Variants in F2R observed in about 807,000 individuals in gnomAD.
F2R encodes proteinase-activated receptor 1.
F2R carries 12 observed loss-of-function variants against 18.3 expected under a neutral mutation model. The ratio of observed to expected loss-of-function variants is 0.66; its 90% CI spans 0.42 to 1.06. The LOEUF is 1.06. F2R is among the 50% of genes least tolerant of loss of function. F2R has a pLI of 0.00. For missense variants in F2R, 438 were observed against 530.8 expected (o/e 0.83, Z 1.72); for synonymous variants, 210 against 219.9 (o/e 0.95, Z 0.40).
chr5:76,732,421 T>C lies in F2R; in HGVS notation c.196T>C (p.Leu66=), dbSNP rs1429101162. The part of the protein sequence containing the change: ...WEDEEKNESG[L]TEYRLVSINK... ...GGATGAGGAGAAAAATGAAAGTGGG[T>C]TAACTGAATACAGATTAGTCTCCAT... is the stretch of plus-strand genomic sequence containing the variant. The change falls in exon 2 of 2, where the codon TTA becomes CTA. Residue 66 remains leucine (L), a synonymous_variant. Coordinates refer to ENST00000319211, the MANE Select transcript of F2R (RefSeq NM_001992.5). The C allele has an allele frequency of 6.2e-7, 1 of 1,614,126 alleles. No homozygotes were observed. The highest frequency in any genetic ancestry group is 2.2e-5 in the East Asian group (1 of 44,890).
rs374709959 is a variant in F2R at position 76,733,114 on chromosome 5, C to A, written c.889C>A (p.Leu297Ile). 2.5e-5 allele frequency: 40 copies of A among 1,614,088 alleles called. No homozygotes were observed. Among genetic ancestry groups the A allele is most frequent in the Non-Finnish European group, 3.3e-5 (39 of 1,180,056 alleles). ...TVCYVSIIRCLSSSAVANRSK... is the reference protein window; with the variant it reads ...TVCYVSIIRCISSSAVANRSK... ...CTGTTATGTGTCTATCATTCGATGT[C>A]TTAGCTCTTCCGCAGTTGCCAACCG... The change falls in exon 2 of 2, where the codon CTT becomes ATT. Residue 297 changes from leucine to isoleucine, a missense_variant. Physicochemically the swap from Leu to Ile is conservative, Grantham distance 5. Coordinates refer to ENST00000319211, the MANE Select transcript of F2R (RefSeq NM_001992.5).
intron 1 of F2R, among the ~76,000 whole-genome samples, chr5:76,716,980 T>C (rs555182887): frequency 6.6e-6 from 1 of 152,156 alleles, no homozygotes; most frequent in Non-Finnish European, 1.5e-5. Context: ...ATGGTGACAA[T>C]AGCAGAGGCT....
rs1748725046 is a variant in F2R, at chr5:76,733,572, C to A, written c.*69C>A. 1 of 1,261,002 alleles carries A rather than the reference C, an allele frequency of 7.9e-7. No homozygotes were observed. Among genetic ancestry groups the A allele is most frequent in the Non-Finnish European group, 1.1e-6 (1 of 922,018 alleles). 78.1% of individuals were successfully genotyped at this position (1,261,002 alleles called of 1,614,324 possible). A position where few individuals can be genotyped will look rare whatever the true frequency, so the allele number is the denominator to read the frequency against. ...TGAATAACCTGAGGATTCTATTAGT[C>A]CCCACCCAAACTTTATTGATTCACC... On this transcript the variant is annotated 3_prime_UTR_variant, in exon 2 of 2. Coordinates refer to ENST00000319211, the MANE Select transcript of F2R (RefSeq NM_001992.5).
chr5:76,720,463 T>C (rs1748426181), intron 1 of F2R, among the ~76,000 whole-genome samples: 1 of 152,108 alleles, frequency 6.6e-6, no homozygotes, highest in Admixed American at 6.5e-5. Context: ...ATGAAAATTT[T>C]AAATTTAAAT....
intron 1 of F2R, among the ~76,000 whole-genome samples, chr5:76,721,872 G>T (rs951521890): frequency 1.5e-4 from 23 of 152,158 alleles, no homozygotes; most frequent in Admixed American, 1.3e-4. Flanking sequence ...TATGCATTTT[G>T]ATATTTTCCA....
At position 76,732,575 on chromosome 5, in the gene F2R, T is replaced by G. The variant is rs1748687650; in HGVS notation, c.350T>G (p.Leu117Arg). The change falls in exon 2 of 2, where the codon CTC becomes CGC. Residue 117 changes from leucine to arginine, a missense_variant. Physicochemically the swap from Leu to Arg is moderately radical, Grantham distance 102. Coordinates refer to ENST00000319211, the MANE Select transcript of F2R (RefSeq NM_001992.5). Reference sequence around the variant, plus strand: ...TACACCGGAGTGTTTGTAGTCAGCCTCCCACTAAACATCATGGCCATCGTT... The same window carrying G: ...TACACCGGAGTGTTTGTAGTCAGCCGCCCACTAAACATCATGGCCATCGTT... ...SVYTGVFVVSLPLNIMAIVVF... is the reference protein window; with the variant it reads ...SVYTGVFVVSRPLNIMAIVVF... The G allele has an allele frequency of 6.2e-7, 1 of 1,614,084 alleles. No individual in the cohort carries two copies. The highest frequency in any genetic ancestry group is 1.3e-5 in the African/African-American group (1 of 74,942).
chr5:76,726,656 G>A (rs960691873), intron 1 of F2R, among the ~76,000 whole-genome samples: 2 of 152,004 alleles, frequency 1.3e-5, no homozygotes, highest in Non-Finnish European at 2.9e-5. Context: ...AGCCAAAATC[G>A]CACCACTGCT....
At chr5:76,720,805 AGTT>A (rs1211307667) in intron 1 of F2R, among the ~76,000 whole-genome samples, 2 of 152,072 alleles carry the variant, frequency 1.3e-5, no homozygotes, top group African/African-American at 2.4e-5. Context: ...GGTGGGTTAA[AGTT>A]GTTGTTGCTG....
At chr5:76,720,046 G>C (rs7731567) in intron 1 of F2R, among the ~76,000 whole-genome samples, 109 of 152,312 alleles carry the variant, frequency 7.2e-4, no homozygotes, top group African/African-American at 2.6e-3. Flanking sequence ...CTGAAAGTCA[G>C]ATTTCTTATG....
At chr5:76,731,409 G>A (rs1373342485) in intron 1 of F2R, among the ~76,000 whole-genome samples, 1 of 152,116 alleles carries the variant, frequency 6.6e-6, no homozygotes, top group African/African-American at 2.4e-5. Flanking sequence ...CGGAGGCGGA[G>A]GTTGCGGTGA....
At chr5:76,729,908 G>C (rs1748638273) in intron 1 of F2R, among the ~76,000 whole-genome samples, 1 of 152,078 alleles carries the variant, frequency 6.6e-6, no homozygotes, top group South Asian at 2.1e-4. Context: ...AAGATCAGAT[G>C]GTTTTAAAAA....
chr5:76,733,898 A>G lies in F2R; in HGVS notation c.*395A>G, dbSNP rs1033359585. 3 of 172,600 alleles carry G rather than the reference A, an allele frequency of 1.7e-5. No individual in the cohort carries two copies. Among genetic ancestry groups the G allele is most frequent in the African/African-American group, 7.2e-5 (3 of 41,700 alleles). The allele number at this position is 172,600 out of a possible 1,614,324, so 10.7% of individuals were successfully genotyped here. On this transcript the variant is annotated 3_prime_UTR_variant, in exon 2 of 2. Transcript: ENST00000319211. ...CCAGCAATTATGAAAATAATCTCTGATTCCCTGATTTAATATGCAAAGTCT... is the reference window on the plus strand; with the variant it reads ...CCAGCAATTATGAAAATAATCTCTGGTTCCCTGATTTAATATGCAAAGTCT...
At position 76,732,556 on chromosome 5, in the gene F2R, G is replaced by A. The variant is rs778747981; in HGVS notation, c.331G>A (p.Gly111Arg). ...ACTCTTTGTCCCATCTGTGTACACCGGAGTGTTTGTAGTCAGCCTCCCACT... is the reference window on the plus strand; with the variant it reads ...ACTCTTTGTCCCATCTGTGTACACCAGAGTGTTTGTAGTCAGCCTCCCACT... ...LTLFVPSVYTGVFVVSLPLNI... is the reference protein window; with the variant it reads ...LTLFVPSVYTRVFVVSLPLNI... Residue 111 changes from glycine (G) to arginine (R), a missense_variant, in exon 2 of 2, where the codon GGA becomes AGA. Coordinates refer to ENST00000319211, the MANE Select transcript of F2R (RefSeq NM_001992.5). 8 of 1,614,020 alleles carry A rather than the reference G, an allele frequency of 5.0e-6. No homozygotes were observed. The highest frequency in any genetic ancestry group is 1.3e-5 in the African/African-American group (1 of 74,900).
intron 1 of F2R, among the ~76,000 whole-genome samples, chr5:76,718,136 C>G (rs1748378274): frequency 6.6e-6 from 1 of 152,126 alleles, no homozygotes; most frequent in South Asian, 2.1e-4. Context: ...GTCAAAACAC[C>G]TTGTTAAGGT....
In F2R at chr5:76,728,862, T is replaced by C. The variant is rs183676393; in HGVS notation, c.89-3452T>C. On this transcript the variant is annotated intron_variant, in intron 1 of 1. Coordinates refer to ENST00000319211, the MANE Select transcript of F2R (RefSeq NM_001992.5). ...TGCGCTACCAAGCCTGGCTAATTTT[T>C]GTAATTTTAGTAGAGACAGGGTTTT... Among the ~76,000 whole-genome samples the C allele has an allele frequency of 1.9e-4, 29 of 152,270 alleles. No homozygotes were observed. The East Asian group carries it at 5.6e-3, about 29-fold the overall frequency.
chr5:76,728,722 G>A (rs1303839715), intron 1 of F2R, among the ~76,000 whole-genome samples: 10 of 120,920 alleles, frequency 8.3e-5, no homozygotes, highest in East Asian at 2.4e-4. Flanking sequence ...ATGGGGTCTC[G>A]CTCTGTCGGC....
rs571049713 is a variant in F2R at position 76,734,863 on chromosome 5, C to T, written c.*1360C>T. 14 of 152,426 alleles carry T rather than the reference C, an allele frequency of 9.2e-5. No homozygotes were observed. The South Asian group carries it at 2.9e-3, about 32-fold the overall frequency. 9.4% of individuals were successfully genotyped at this position (152,426 alleles called of 1,614,324 possible). The stretch of plus-strand genomic sequence containing the variant: ...AAAATAAGTCTGATTTAATTGGGCA[C>T]TATTTATTTACAAATGTTTTGCTCA... On this transcript the variant is annotated 3_prime_UTR_variant, in exon 2 of 2. Transcript: ENST00000319211.
chr5:76,716,620 G>A, intron 1 of F2R: 1 of 729,452 alleles, frequency 1.4e-6, no homozygotes, highest in Non-Finnish European at 2.5e-6. Context: ...GGAGGGTGCA[G>A]CCCGCCTGCC....
chr5:76,716,528 C>A, intron 1 of F2R, 133 bp downstream of exon 1: 2 of 853,066 alleles, frequency 2.3e-6, no homozygotes, highest in Non-Finnish European at 3.5e-6. Context: ...GGGCTGAGAT[C>A]TGGAGTTTTT....
Sources: gnomAD v4.1 joint callset for allele counts (sites outside exome capture counted in the v4.1 genomes callset) on GRCh38, gnomAD v4.1.1 for gene constraint, MANE v1.5 for transcripts, NCBI Gene and HGNC (gene_info 2026-07-23, HGNC 2026-07-21) for gene names.